FGD3: variants seen among roughly 807,000 people sequenced by gnomAD.
FGD3 encodes FYVE, RhoGEF and PH domain-containing protein 3.
In FGD3, 45 loss-of-function variants were observed where a neutral mutation model predicts 71.8. That is an observed-to-expected ratio of 0.63 (90% CI 0.49 to 0.80). The LOEUF (loss-of-function observed/expected upper bound fraction) is 0.80, where lower values mean the gene tolerates loss of function less well. Among genes scored for constraint, FGD3 ranks in the 30% least tolerant of loss-of-function variants. The pLI is 0.00. For synonymous variants in FGD3, 378 were observed against 392.8 expected (o/e 0.96, Z 0.44); for missense variants, 844 against 951.5 (o/e 0.89, Z 1.49).
intron 15 of FGD3, among the ~76,000 whole-genome samples, chr9:93,030,707 C>CG (rs1054231528): frequency 1.0e-3 from 15 of 14,800 alleles, no homozygotes; most frequent in African/African-American, 1.6e-3. Context: ...TGCCACATGG[C>CG]GGGGGGGCAG....
rs1860933086 is a variant in FGD3 at position 93,003,401 on chromosome 9, T to A, written c.543+387T>A. ...GCCTCGGCCTCCCAAAGTCCTGGGATTACAGGCGTGAGCCACCACGCCCGT... is the reference window on the plus strand; with the variant it reads ...GCCTCGGCCTCCCAAAGTCCTGGGAATACAGGCGTGAGCCACCACGCCCGT... On this transcript the variant is annotated intron_variant, in intron 4 of 17. Coordinates refer to ENST00000375482, the MANE Select transcript of FGD3 (RefSeq NM_001083536.2). The surrounding 1 kb of genome is among the most constrained non-coding windows in gnomAD (Gnocchi z 4.1). 6.6e-6 allele frequency among the ~76,000 whole-genome samples: 1 copy of A among 152,174 alleles called. No individual in the cohort carries two copies. Among genetic ancestry groups the A allele is most frequent in the African/African-American group, 2.4e-5 (1 of 41,434 alleles).
At chr9:92,981,355 G>A (rs1377980996) in intron 3 of FGD3, among the ~76,000 whole-genome samples, 1 of 127,932 alleles carries the variant, frequency 7.8e-6, no homozygotes, top group Non-Finnish European at 1.6e-5. Flanking sequence ...GTGACAGAGC[G>A]AGATTCCATC....
rs547271809 is a variant in FGD3, at chr9:93,011,332, G to T, written c.1035+60G>T. Reference sequence around the variant, plus strand: ...GGTGCAGCAAGAGTGAGGGCCAGGGGCCCTTGTGGGCCAGCCCCTTTGCCG... The same window carrying T: ...GGTGCAGCAAGAGTGAGGGCCAGGGTCCCTTGTGGGCCAGCCCCTTTGCCG... On this transcript the variant is annotated intron_variant, in intron 8 of 17. Transcript: ENST00000375482. 130 of 1,594,642 alleles carry T rather than the reference G, an allele frequency of 8.2e-5. 1 individual carries two copies. The African/African-American group carries it at 1.4e-3, about 17-fold the overall frequency.
chr9:92,981,885 T>C (rs1476184539), intron 3 of FGD3, among the ~76,000 whole-genome samples: 3 of 152,202 alleles, frequency 2.0e-5, no homozygotes, highest in Non-Finnish European at 4.4e-5. Context: ...TACATATACC[T>C]GAGTTACATA....
At chr9:92,971,579 T>C (rs1185766313) in intron 1 of FGD3, among the ~76,000 whole-genome samples, 4 of 133,852 alleles carry the variant, frequency 3.0e-5, no homozygotes, top group Non-Finnish European at 6.4e-5. Flanking sequence ...TTTTTTTTTT[T>C]TTTTTTTTTT....
At chr9:92,967,454 C>G (rs1859372619) in intron 1 of FGD3, among the ~76,000 whole-genome samples, 1 of 152,230 alleles carries the variant, frequency 6.6e-6, no homozygotes, top group African/African-American at 2.4e-5. Flanking sequence ...GAATTTGACT[C>G]CTCTAGGACC....
chr9:93,021,537 G>A (rs762903404), intron 13 of FGD3, among the ~76,000 whole-genome samples: 1 of 152,236 alleles, frequency 6.6e-6, no homozygotes, highest in East Asian at 1.9e-4. Flanking sequence ...ACATATCCAG[G>A]GAGGCACCCA....
intron 3 of FGD3, among the ~76,000 whole-genome samples, chr9:92,983,651 A>T (rs909866055): frequency 1.3e-5 from 2 of 152,250 alleles, no homozygotes; most frequent in African/African-American, 4.8e-5. Flanking sequence ...GAGCAGAATA[A>T]TGCTTTAATA....
intron 1 of FGD3, chr9:92,964,064 G>A (rs1859228215): frequency 1.3e-5 from 2 of 152,476 alleles, no homozygotes; most frequent in Admixed American, 6.5e-5. Flanking sequence ...TCCTCTGTGA[G>A]CAGCCCTGTT....
intron 14 of FGD3, among the ~76,000 whole-genome samples, chr9:93,028,210 A>ACG (rs1862200350): frequency 8.4e-6 from 1 of 118,634 alleles, no homozygotes; most frequent in African/African-American, 3.7e-5. Flanking sequence ...ACACACACAC[A>ACG]CACACACGCA....
intron 1 of FGD3, among the ~76,000 whole-genome samples, chr9:92,974,933 C>T (rs115995675): frequency 0.018 from 2,761 of 152,294 alleles, 96 homozygotes; most frequent in African/African-American, 0.063. Context: ...TCCCCTGGGC[C>T]GCAGGATGCT....
intron 14 of FGD3, among the ~76,000 whole-genome samples, chr9:93,022,617 C>T (rs1205544578): frequency 6.6e-6 from 1 of 152,052 alleles, no homozygotes; most frequent in Non-Finnish European, 1.5e-5. Flanking sequence ...CTGCAGGGGA[C>T]TCTGTAAGGT....
Position 93,002,777 on chromosome 9 carries a change from C to T in FGD3, c.454-148C>T, listed in dbSNP as rs1860904252. The T allele has an allele frequency of 4.2e-6, 3 of 709,454 alleles. No homozygotes were observed. The East Asian group carries it at 7.4e-5, about 18-fold the overall frequency. The allele number at this position is 709,454 out of a possible 1,614,324, so 43.9% of individuals were successfully genotyped here. On this transcript the variant is annotated intron_variant, in intron 3 of 17. Transcript: ENST00000375482. ...AGAACTGAGCACCACATCGCCATCACAGTGGCCCCTCCTGCCCCTTCTCTT... is the reference window on the plus strand; with the variant it reads ...AGAACTGAGCACCACATCGCCATCATAGTGGCCCCTCCTGCCCCTTCTCTT...
chr9:93,006,847 C>T (rs1202497908), intron 6 of FGD3, among the ~76,000 whole-genome samples: 1 of 151,746 alleles, frequency 6.6e-6, no homozygotes, highest in African/African-American at 2.4e-5. Flanking sequence ...CTGCCTCAGC[C>T]TCCCGAGTAG....
At chr9:93,007,016 C>T (rs1053264281) in intron 6 of FGD3, among the ~76,000 whole-genome samples, 4 of 151,916 alleles carry the variant, frequency 2.6e-5, no homozygotes, top group African/African-American at 9.7e-5. Flanking sequence ...CGTGAGCCAC[C>T]GCGCCCCGCC....
At chr9:92,986,958 G>A (rs1860209383) in intron 3 of FGD3, among the ~76,000 whole-genome samples, 1 of 152,242 alleles carries the variant, frequency 6.6e-6, no homozygotes, top group Admixed American at 6.5e-5. Context: ...AGAGCCATGA[G>A]TGCATGAATA....
At chr9:93,034,985 G>A (rs1228683417) in intron 17 of FGD3, among the ~76,000 whole-genome samples, 4 of 152,152 alleles carry the variant, frequency 2.6e-5, no homozygotes, top group African/African-American at 7.2e-5. Flanking sequence ...CACAGCCCTG[G>A]CCCGGCCCCT....
intron 5 of FGD3, among the ~76,000 whole-genome samples, chr9:93,004,560 GTCCCTC>G (rs1860980869): frequency 1.3e-5 from 2 of 152,128 alleles, no homozygotes; most frequent in Admixed American, 1.3e-4. Context: ...CCTGTGGCCT[GTCCCTC>G]TGTCCCACTG....
At chr9:93,001,259 G>A (rs187180767) in intron 3 of FGD3, among the ~76,000 whole-genome samples, 109 of 151,870 alleles carry the variant, frequency 7.2e-4, no homozygotes, top group Non-Finnish European at 1.2e-3. Context: ...CAACTATTTC[G>A]ATGTTTTTTC....
Sources: allele counts gnomAD v4.1 joint callset (sites outside exome capture counted in the v4.1 genomes callset), GRCh38; gene constraint gnomAD v4.1.1; non-coding constraint Gnocchi (gnomAD v3.1); transcripts MANE v1.5; gene names NCBI Gene and HGNC (gene_info 2026-07-23, HGNC 2026-07-21).